CNTNAP2: variants seen among roughly 807,000 people sequenced by gnomAD.
CNTNAP2 encodes the protein contactin-associated protein-like 2.
CNTNAP2 carries 98 observed loss-of-function variants against 155.2 expected under a neutral mutation model. The ratio of observed to expected loss-of-function variants is 0.63; its 90% CI spans 0.54 to 0.75. CNTNAP2 has a LOEUF of 0.75. Ranked by LOEUF, CNTNAP2 falls within the 30% of genes least tolerant of loss-of-function variation. The pLI is 0.00. For missense variants in CNTNAP2, 1,727 were observed against 1,688.1 expected (o/e 1.02, Z -0.40); for synonymous variants, 651 against 631.2 (o/e 1.03, Z -0.47).
At chr7:147,360,000 C>G (rs539951317) in intron 9 of CNTNAP2, among the ~76,000 whole-genome samples, 37 of 152,110 alleles carry the variant, frequency 2.4e-4, no homozygotes, top group African/African-American at 8.2e-4. Context: ...GTTTTTTTAA[C>G]TGCCACATCT....
chr7:146,911,846 C>T (rs1233800741), intron 3 of CNTNAP2, among the ~76,000 whole-genome samples: 3 of 152,036 alleles, frequency 2.0e-5, no homozygotes, highest in African/African-American at 4.8e-5. Context: ...TTACAATCTT[C>T]AAGAACATTA....
chr7:148,096,267 GTGCA>G lies in CNTNAP2; in HGVS notation c.2384-21840_2384-21837del, dbSNP rs36131746. Among the ~76,000 whole-genome samples, 377 of 141,796 alleles carry G rather than the reference GTGCA, an allele frequency of 2.7e-3. 1 individual carries two copies. Among genetic ancestry groups the G allele is most frequent in the Middle Eastern group, 0.011 (3 of 278 alleles). The allele number at this position is 141,796 out of a possible 152,430, so 93.0% of individuals were successfully genotyped here. A position where few individuals can be genotyped will look rare whatever the true frequency, so the allele number is the denominator to read the frequency against. ...ATTCTTAAGCTGAACGTTTTTCTGC[GTGCA>G]TGCATGCATGTGTGTGTGTGTGTGT... On this transcript the variant is annotated intron_variant, in intron 15 of 23. Coordinates refer to ENST00000361727, the MANE Select transcript of CNTNAP2 (RefSeq NM_014141.6).
At chr7:146,891,403 G>A (rs1795773383) in intron 3 of CNTNAP2, among the ~76,000 whole-genome samples, 1 of 152,168 alleles carries the variant, frequency 6.6e-6, no homozygotes, top group South Asian at 2.1e-4. Flanking sequence ...TGTAAAAGTT[G>A]AAATTATGAA....
intron 13 of CNTNAP2, among the ~76,000 whole-genome samples, chr7:147,744,974 A>C (rs1427569108): frequency 6.6e-6 from 1 of 152,178 alleles, no homozygotes; most frequent in African/African-American, 2.4e-5. Context: ...AGAAAAATAG[A>C]AGATCAAGGG....
At chr7:146,662,816 TA>T (rs1563177976) in intron 1 of CNTNAP2, among the ~76,000 whole-genome samples, 1 of 152,194 alleles carries the variant, frequency 6.6e-6, no homozygotes, top group Non-Finnish European at 1.5e-5. Context: ...AACATTTTTT[TA>T]AATACCATAT....
intron 11 of CNTNAP2, among the ~76,000 whole-genome samples, chr7:147,510,734 A>G (rs1300923037): frequency 6.6e-6 from 1 of 151,154 alleles, no homozygotes; most frequent in African/African-American, 2.4e-5. Context: ...GCACTTTACA[A>G]AAGGCTTGGT....
intron 13 of CNTNAP2, among the ~76,000 whole-genome samples, chr7:147,899,874 CAG>C (rs1799834538): frequency 6.7e-6 from 1 of 149,314 alleles, no homozygotes; most frequent in Admixed American, 6.7e-5. Context: ...GCCTGCACGA[CAG>C]AGCCAGACTC....
chr7:147,528,374 T>C (rs1202256196), intron 11 of CNTNAP2, among the ~76,000 whole-genome samples: 2 of 152,132 alleles, frequency 1.3e-5, no homozygotes, highest in African/African-American at 4.8e-5. Flanking sequence ...TTTCTAAGGA[T>C]GCAGGTGTGT....
chr7:146,948,205 A>G (rs1200759981), intron 3 of CNTNAP2, among the ~76,000 whole-genome samples: 2 of 151,744 alleles, frequency 1.3e-5, no homozygotes, highest in Non-Finnish European at 2.9e-5. Context: ...AGGGCCAAAT[A>G]TTTTATGCCA....
intron 1 of CNTNAP2, among the ~76,000 whole-genome samples, chr7:146,657,351 TATC>T (rs1468817747): frequency 6.6e-6 from 1 of 152,214 alleles, no homozygotes; most frequent in Admixed American, 6.5e-5. Context: ...AGATTTAACT[TATC>T]ATGTGAGTCA....
chr7:148,371,486 T>C (rs1373027133), intron 21 of CNTNAP2, among the ~76,000 whole-genome samples: 3 of 152,236 alleles, frequency 2.0e-5, no homozygotes, highest in Admixed American at 6.5e-5. Context: ...AAATGCCATA[T>C]GGCACATTCA....
At chr7:147,527,497 A>C (rs1255360095) in intron 11 of CNTNAP2, among the ~76,000 whole-genome samples, 1 of 152,228 alleles carries the variant, frequency 6.6e-6, no homozygotes, top group Non-Finnish European at 1.5e-5. Flanking sequence ...TTTCTCAAGA[A>C]AATGTATACA....
At chr7:147,889,382 G>T (rs2538975) in intron 13 of CNTNAP2, among the ~76,000 whole-genome samples, 38,953 of 151,788 alleles carry the variant, frequency 0.26, 5,450 homozygotes, top group African/African-American at 0.38. Flanking sequence ...GTACACAAGA[G>T]ATATTAAAAA....
chr7:147,109,229 C>T (rs1172432749), intron 5 of CNTNAP2, among the ~76,000 whole-genome samples: 1 of 152,000 alleles, frequency 6.6e-6, no homozygotes, highest in African/African-American at 2.4e-5. Flanking sequence ...AGGTGGTTAT[C>T]AGGGGAGATG....
chr7:146,457,912 A>T (rs543864200), intron 1 of CNTNAP2, among the ~76,000 whole-genome samples: 12 of 152,308 alleles, frequency 7.9e-5, no homozygotes, highest in African/African-American at 2.9e-4. Flanking sequence ...AATATATAAT[A>T]TGATCATCAC....
chr7:147,897,830 T>C (rs1277812129), intron 13 of CNTNAP2, among the ~76,000 whole-genome samples: 1 of 152,172 alleles, frequency 6.6e-6, no homozygotes, highest in Non-Finnish European at 1.5e-5. Context: ...TTATTGGCCA[T>C]GGGAAGCATC....
At chr7:146,208,910 A>G (rs1231079447) in intron 1 of CNTNAP2, 1 of 152,126 alleles carries the variant, frequency 6.6e-6, no homozygotes, top group African/African-American at 2.4e-5. Flanking sequence ...AATAACTGCT[A>G]AGATTTTTGG....
intron 11 of CNTNAP2, among the ~76,000 whole-genome samples, chr7:147,500,251 G>C (rs1232068048): frequency 6.6e-6 from 1 of 152,044 alleles, no homozygotes; most frequent in Non-Finnish European, 1.5e-5. Flanking sequence ...TTATAAATCA[G>C]TTATTAAAAC....
At chr7:147,033,492 T>A (rs973233740) in intron 3 of CNTNAP2, among the ~76,000 whole-genome samples, 1 of 151,946 alleles carries the variant, frequency 6.6e-6, no homozygotes, top group South Asian at 2.1e-4. Flanking sequence ...CAGTCTAGCA[T>A]GCTCTATTTT....
Sources: gnomAD v4.1 joint callset for allele counts (sites outside exome capture counted in the v4.1 genomes callset) on GRCh38, gnomAD v4.1.1 for gene constraint, MANE v1.5 for transcripts, NCBI Gene and HGNC (gene_info 2026-07-23, HGNC 2026-07-21) for gene names.